Variants in VEPH1 observed in about 807,000 individuals in gnomAD.
VEPH1 encodes the protein ventricular zone-expressed PH domain-containing protein homolog 1.
VEPH1 carries 80 observed loss-of-function variants against 85.2 expected under a neutral mutation model. The ratio of observed to expected loss-of-function variants is 0.94; its 90% CI spans 0.78 to 1.13. The LOEUF is 1.13. VEPH1 is among the 50% of genes most tolerant of loss of function. The probability of loss-of-function intolerance (pLI) is 0.00; values close to 1 mark genes in which losing one functional copy is unlikely to be tolerated. For missense variants in VEPH1, 955 were observed against 980.5 expected (o/e 0.97, Z 0.35); for synonymous variants, 297 against 348.0 (o/e 0.85, Z 1.63).
chr3:157,277,461 C>T (rs1170436196), intron 12 of VEPH1, among the ~76,000 whole-genome samples: 1 of 152,184 alleles, frequency 6.6e-6, no homozygotes, highest in African/African-American at 2.4e-5. Flanking sequence ...CATTTGAACA[C>T]ATTGTAACCA....
chr3:157,369,485 T>C (rs1025746523), intron 7 of VEPH1, among the ~76,000 whole-genome samples: 1 of 152,186 alleles, frequency 6.6e-6, no homozygotes, highest in African/African-American at 2.4e-5. Context: ...TTTTATGATT[T>C]AGATTTGTAG....
At chr3:157,340,276 A>G (rs1202245741) in intron 9 of VEPH1, among the ~76,000 whole-genome samples, 1 of 152,216 alleles carries the variant, frequency 6.6e-6, no homozygotes, top group Non-Finnish European at 1.5e-5. Context: ...TTCCTAGGCA[A>G]GGGAAGCTGT....
intron 12 of VEPH1, among the ~76,000 whole-genome samples, chr3:157,280,988 C>G (rs116784564): frequency 6.6e-6 from 1 of 151,958 alleles, no homozygotes; most frequent in African/African-American, 2.4e-5. Flanking sequence ...GGCCACATGC[C>G]AAGTGCAATA....
chr3:157,388,845 A>T (rs1261460520), intron 6 of VEPH1, among the ~76,000 whole-genome samples: 4 of 152,206 alleles, frequency 2.6e-5, no homozygotes, highest in Non-Finnish European at 5.9e-5. Flanking sequence ...CATATGTTGT[A>T]TGCAAGTCCT....
At position 157,364,352 on chromosome 3, in the gene VEPH1, T is replaced by C; in HGVS notation, c.1288A>G (p.Ser430Gly). 1.2e-6 allele frequency: 2 copies of C among 1,613,968 alleles called. No individual in the cohort carries two copies. The highest frequency in any genetic ancestry group is 1.1e-5 in the South Asian group (1 of 91,066). The stretch of plus-strand genomic sequence containing the variant: ...TCTTCTTTAGAAACTTGGCCCAGAC[T>C]ATATCTTCTGATAGAGCCAGGGGTA... ...SNTPGSIRRY[S>G]LGQVSKEERK... Residue 430 changes from serine to glycine, a missense_variant, in exon 8 of 14, where the codon AGT (serine) becomes GGT (glycine). Coordinates refer to ENST00000362010, the MANE Select transcript of VEPH1 (RefSeq NM_001167912.2).
At chr3:157,319,351 AC>A (rs1721128081) in intron 9 of VEPH1, among the ~76,000 whole-genome samples, 1 of 152,216 alleles carries the variant, frequency 6.6e-6, no homozygotes, top group South Asian at 2.1e-4. Flanking sequence ...AGTGGACAAG[AC>A]CAGGAGGTCT....
intron 9 of VEPH1, among the ~76,000 whole-genome samples, chr3:157,327,709 G>T (rs1046895507): frequency 6.6e-6 from 1 of 152,162 alleles, no homozygotes; most frequent in Non-Finnish European, 1.5e-5. Context: ...GGTATGTAGT[G>T]TCCCTTGGTG....
intron 9 of VEPH1, 21 bp from the exon 10 acceptor site, chr3:157,317,222 C>T (rs754308162): frequency 1.1e-5 from 18 of 1,590,402 alleles, no homozygotes; most frequent in Middle Eastern, 1.7e-4. Flanking sequence ...ATACATATAG[C>T]GTTAAACGTT....
chr3:157,375,764 C>A (rs1441286706), intron 7 of VEPH1, among the ~76,000 whole-genome samples: 1 of 152,144 alleles, frequency 6.6e-6, no homozygotes, highest in African/African-American at 2.4e-5. Context: ...TCAGTTTTGA[C>A]TATAATTTCG....
chr3:157,340,319 CA>C (rs1723402660), intron 9 of VEPH1, among the ~76,000 whole-genome samples: 2 of 152,230 alleles, frequency 1.3e-5, no homozygotes, highest in Admixed American at 1.3e-4. Flanking sequence ...GGGTCATGCC[CA>C]CCCTAATACT....
At chr3:157,360,844 G>A (rs952843179) in intron 9 of VEPH1, among the ~76,000 whole-genome samples, 1 of 152,120 alleles carries the variant, frequency 6.6e-6, no homozygotes, top group Non-Finnish European at 1.5e-5. Context: ...GGGACCATCT[G>A]TAATTTTAAC....
In VEPH1 at chr3:157,371,931, T is replaced by C. The variant is rs116219418; in HGVS notation, c.1128-7419A>G. The stretch of plus-strand genomic sequence containing the variant: ...GCCTTAACAGAAGACGGCCGCCCCA[T>C]CCTAATGAACTGCCACCCAGATATA... On this transcript the variant is annotated intron_variant, in intron 7 of 13. Transcript: ENST00000362010. Among the ~76,000 whole-genome samples, 1,506 of 152,148 alleles carry C rather than the reference T, an allele frequency of 9.9e-3. 23 individuals are homozygous for C. Among genetic ancestry groups the C allele is most frequent in the African/African-American group, 0.035 (1,450 of 41,486 alleles).
At chr3:157,386,659 G>A (rs1729338452) in intron 6 of VEPH1, among the ~76,000 whole-genome samples, 1 of 152,188 alleles carries the variant, frequency 6.6e-6, no homozygotes, top group Non-Finnish European at 1.5e-5. Context: ...ACACAACCGA[G>A]AGTTGTTTGG....
intron 7 of VEPH1, among the ~76,000 whole-genome samples, chr3:157,366,803 A>G (rs1726761312): frequency 6.6e-6 from 1 of 152,166 alleles, no homozygotes; most frequent in Admixed American, 6.5e-5. Flanking sequence ...TTTTAGGAAA[A>G]AGCAATGCAG....
intron 7 of VEPH1, among the ~76,000 whole-genome samples, chr3:157,379,798 G>A (rs1160650974): frequency 1.3e-5 from 2 of 152,202 alleles, no homozygotes; most frequent in Non-Finnish European, 2.9e-5. Context: ...GAATTATGGA[G>A]ATGGGGTCGA....
In VEPH1 at chr3:157,445,014, T is replaced by G. The variant is rs145859416; in HGVS notation, c.529+15167A>C. ...GAGTAAATTCTATATTTTTCAACAT[T>G]ACTTGCAGCTTGATGCAGCCATATA... On this transcript the variant is annotated intron_variant, in intron 4 of 13. Coordinates refer to ENST00000362010, the MANE Select transcript of VEPH1 (RefSeq NM_001167912.2). 2.5e-3 allele frequency among the ~76,000 whole-genome samples: 382 copies of G among 152,352 alleles called. 1 individual carries two copies. Among genetic ancestry groups the G allele is most frequent in the African/African-American group, 8.7e-3 (362 of 41,584 alleles).
At chr3:157,322,508 CTA>C (rs1721458449) in intron 9 of VEPH1, among the ~76,000 whole-genome samples, 1 of 152,010 alleles carries the variant, frequency 6.6e-6, no homozygotes, top group African/African-American at 2.4e-5. Flanking sequence ...TATGGTAATT[CTA>C]TGTTTAGATT....
chr3:157,296,468 CCTT>C (rs755030220), intron 11 of VEPH1, among the ~76,000 whole-genome samples: 9 of 152,326 alleles, frequency 5.9e-5, no homozygotes, highest in East Asian at 3.9e-4. Context: ...AGAGGAGTCT[CCTT>C]CTTTTGCCTG....
intron 2 of VEPH1, among the ~76,000 whole-genome samples, chr3:157,478,541 A>G (rs1180947058): frequency 6.6e-6 from 1 of 152,192 alleles, no homozygotes; most frequent in Non-Finnish European, 1.5e-5. Context: ...GTGCAACTCA[A>G]TGAAAAATAC....
Sources: gnomAD v4.1 joint callset for allele counts (sites outside exome capture counted in the v4.1 genomes callset) on GRCh38, gnomAD v4.1.1 for gene constraint, MANE v1.5 for transcripts, NCBI Gene and HGNC (gene_info 2026-07-23, HGNC 2026-07-21) for gene names.